The following DCTN4 variants were observed in gnomAD, a reference collection of about 807,000 sequenced individuals.
DCTN4 encodes the protein dynactin subunit 4.
Under a neutral mutation model 62.7 loss-of-function variants are expected in DCTN4, and 23 were observed. That is an observed-to-expected ratio of 0.37 (90% CI 0.26 to 0.52). DCTN4 has a LOEUF of 0.52. DCTN4 is among the 20% of genes least tolerant of loss of function. The pLI, the probability that DCTN4 is intolerant of heterozygous loss-of-function variation, is 0.92. For synonymous variants in DCTN4, 199 were observed against 202.1 expected, an observed-to-expected ratio of 0.98 and a Z score of 0.13; for missense variants, 514 against 580.4, an observed-to-expected ratio of 0.89 and a Z score of 1.18.
At chr5:150,733,503 C>T in intron 4 of DCTN4, 28 bp from the exon 5 acceptor site, 1 of 1,541,940 alleles carries the variant, frequency 6.5e-7, no homozygotes, top group Non-Finnish European at 8.9e-7. Context: ...ACTCAGTACA[C>T]AAAAAAGCTA....
rs1401841651 is a variant in DCTN4, at chr5:150,753,609, A to T, written c.255T>A (p.Thr85=). The T allele has an allele frequency of 6.2e-7, 1 of 1,613,874 alleles. No homozygotes were observed. Among genetic ancestry groups the T allele is most frequent in the African/African-American group, 1.3e-5 (1 of 74,872 alleles). ...DCPGCMHTLS[T]RATSISTQLP... ...GCTGTGTGGAGATGCTCGTGGCCCG[A>T]GTAGAGAGGGTGTGCATGCAGCCAG... Residue 85 remains threonine, a synonymous_variant, in exon 3 of 13, where the codon ACT becomes ACA. Transcript: ENST00000447998.
In DCTN4 at chr5:150,708,559, C is replaced by T. The variant is rs1759454619; in HGVS notation, c.*2590G>A. On this transcript the variant is annotated 3_prime_UTR_variant, in exon 13 of 13. Transcript: ENST00000447998. ...GTTCTGTGAATATGTATATAAGAAG[C>T]TCAAAGCAACATCTACTTATATATT... is the stretch of plus-strand genomic sequence containing the variant. The T allele has an allele frequency of 6.6e-6, 1 of 152,570 alleles. No individual in the cohort carries two copies. The highest frequency in any genetic ancestry group is 2.1e-4 in the South Asian group (1 of 4,824). The allele number at this position is 152,570 out of a possible 1,614,324, so 9.5% of individuals were successfully genotyped here.
In DCTN4 at chr5:150,718,392, T is replaced by C. The variant is rs370313465; in HGVS notation, c.964-9A>G. 105 of 1,593,974 alleles carry C rather than the reference T, an allele frequency of 6.6e-5. No individual in the cohort carries two copies. Among genetic ancestry groups the C allele is most frequent in the Non-Finnish European group, 8.9e-5 (104 of 1,162,704 alleles). On this transcript the variant is annotated splice_polypyrimidine_tract_variant and intron_variant, in intron 10 of 12. Transcript: ENST00000447998. ...AGGAGGACCTGGCTCTCCTGGTGAA[T>C]AGGAAACACATCTCTCAGACATTCG...
chr5:150,734,555 G>A (rs1162093962), intron 4 of DCTN4: 3 of 152,204 alleles, frequency 2.0e-5, no homozygotes, highest in South Asian at 2.1e-4. Flanking sequence ...TGCTGCCAGT[G>A]GAACTGAGGA....
chr5:150,716,055 C>G (rs1463944503), intron 11 of DCTN4, among the ~76,000 whole-genome samples: 1 of 152,132 alleles, frequency 6.6e-6, no homozygotes, highest in Admixed American at 6.5e-5. Flanking sequence ...CAGGTGCCCA[C>G]CACCATGCCT....
chr5:150,724,883 C>A (rs1013820670), intron 8 of DCTN4, among the ~76,000 whole-genome samples: 1 of 152,106 alleles, frequency 6.6e-6, no homozygotes, highest in African/African-American at 2.4e-5. Flanking sequence ...CCAGGCTGGG[C>A]GCAGTGGCTC....
chr5:150,716,155 CG>C (rs1759750152), intron 11 of DCTN4, among the ~76,000 whole-genome samples: 1 of 152,338 alleles, frequency 6.6e-6, no homozygotes, highest in African/African-American at 2.4e-5. Context: ...CCACTTGCCT[CG>C]GCCTCCCAAA....
At chr5:150,742,295 T>C (rs1386374313) in intron 3 of DCTN4, 138 bp from the exon 4 acceptor site, 1 of 818,868 alleles carries the variant, frequency 1.2e-6, no homozygotes, top group African/African-American at 1.7e-5. Context: ...AACTATAGAC[T>C]ATAATGTTCA....
intron 8 of DCTN4, among the ~76,000 whole-genome samples, chr5:150,724,645 C>T (rs1760072933): frequency 6.6e-6 from 1 of 152,136 alleles, no homozygotes. Flanking sequence ...TTATTTTCTT[C>T]CATATAATCA....
At chr5:150,752,216 T>C (rs1278468741) in intron 3 of DCTN4, among the ~76,000 whole-genome samples, 1 of 152,160 alleles carries the variant, frequency 6.6e-6, no homozygotes, top group Non-Finnish European at 1.5e-5. Flanking sequence ...ACTCAAGATT[T>C]TGAACTGACT....
At chr5:150,755,482 G>A (rs768219229) in intron 2 of DCTN4, 54 of 455,526 alleles carry the variant, frequency 1.2e-4, no homozygotes, top group South Asian at 6.4e-4. Context: ...ACAGTGACAA[G>A]TCATAAGTAT....
At chr5:150,744,028 G>A (rs1228174307) in intron 3 of DCTN4, among the ~76,000 whole-genome samples, 1 of 152,182 alleles carries the variant, frequency 6.6e-6, no homozygotes, top group Non-Finnish European at 1.5e-5. Context: ...AGGCAAAGAA[G>A]TTGAAAACTT....
At chr5:150,747,603 T>C (rs1195541542) in intron 3 of DCTN4, among the ~76,000 whole-genome samples, 3 of 152,078 alleles carry the variant, frequency 2.0e-5, no homozygotes, top group Admixed American at 6.5e-5. Context: ...TGTAGATCAA[T>C]GGAACAGAAC....
At chr5:150,735,786 G>A (rs1760557101) in intron 4 of DCTN4, among the ~76,000 whole-genome samples, 1 of 151,834 alleles carries the variant, frequency 6.6e-6, no homozygotes, top group Non-Finnish European at 1.5e-5. Context: ...TAGTTCACCA[G>A]CAATGGATCC....
intron 3 of DCTN4, among the ~76,000 whole-genome samples, chr5:150,745,721 T>C (rs1760936689): frequency 6.6e-6 from 1 of 151,920 alleles, no homozygotes; most frequent in African/African-American, 2.4e-5. Flanking sequence ...AAGGCAGAAA[T>C]AAAGATGTTC....
At position 150,709,367 on chromosome 5, in the gene DCTN4, A is replaced by G. The variant is rs1420334879; in HGVS notation, c.*1782T>C. The stretch of plus-strand genomic sequence containing the variant: ...GTGTAGTCTATGCAAACGTGTAAAC[A>G]TATGAAGCTATTCTCTACTCTATGC... On this transcript the variant is annotated 3_prime_UTR_variant, in exon 13 of 13. Transcript: ENST00000447998. The G allele has an allele frequency of 1.3e-5, 2 of 152,364 alleles. No homozygotes were observed. Among genetic ancestry groups the G allele is most frequent in the South Asian group, 2.1e-4 (1 of 4,832 alleles). 9.4% of individuals were successfully genotyped at this position (152,364 alleles called of 1,614,324 possible).
At chr5:150,721,602 A>G (rs1759955850) in intron 9 of DCTN4, among the ~76,000 whole-genome samples, 1 of 152,172 alleles carries the variant, frequency 6.6e-6, no homozygotes. Context: ...GTTTCTTTCC[A>G]TATACAGTGT....
At chr5:150,742,427 G>C (rs750015519) in intron 3 of DCTN4, among the ~76,000 whole-genome samples, 7 of 152,156 alleles carry the variant, frequency 4.6e-5, no homozygotes, top group Non-Finnish European at 1.0e-4. Flanking sequence ...TCTGAGGTAA[G>C]GACTCTTATT....
At chr5:150,732,004 T>C (rs950566179) in intron 5 of DCTN4, 1 of 1,035,062 alleles carries the variant, frequency 9.7e-7, no homozygotes, top group Admixed American at 2.0e-5. Flanking sequence ...TATGGGAAAA[T>C]TGGAAGAATA....
Sources: gnomAD v4.1 joint callset for allele counts (sites outside exome capture counted in the v4.1 genomes callset) on GRCh38, gnomAD v4.1.1 for gene constraint, MANE v1.5 for transcripts, NCBI Gene and HGNC (gene_info 2026-07-23, HGNC 2026-07-21) for gene names.